Variants in ANKK1 observed in about 807,000 individuals in gnomAD.
The protein encoded by ANKK1 is ankyrin repeat and kinase domain containing 1.
A neutral mutation model predicts 37.6 loss-of-function variants in ANKK1; 37 were observed. That is an observed-to-expected ratio of 0.98 (90% CI 0.76 to 1.29). ANKK1 has a LOEUF of 1.29. Ranked by LOEUF, ANKK1 falls within the 50% of genes most tolerant of loss-of-function variation. The pLI, the probability that ANKK1 is intolerant of heterozygous loss-of-function variation, is 0.00. For synonymous variants in ANKK1, 415 were observed against 418.7 expected, an observed-to-expected ratio of 0.99 and a Z score of 0.11; for missense variants, 1,019 against 990.6, an observed-to-expected ratio of 1.03 and a Z score of -0.39.
At chr11:113,397,907 A>G (rs1012204116) in intron 6 of ANKK1, 73 bp from the exon 7 acceptor site, 3 of 1,494,460 alleles carry the variant, frequency 2.0e-6, no homozygotes, top group Non-Finnish European at 2.7e-6. Flanking sequence ...GGAGAGAGGG[A>G]AGGAGGGGAG....
In ANKK1 at chr11:113,396,359, T is replaced by TC. The variant is rs1159493184; in HGVS notation, c.838+138dup. On this transcript the variant is annotated intron_variant, in intron 5 of 7. Transcript: ENST00000303941. The stretch of plus-strand genomic sequence containing the variant: ...TAGAAGGACTTTTTTTTTTTTTTTT[T>TC]CAGAGACACGGTCTCTCTGGTCCAG... 4.5e-4 allele frequency: 366 copies of TC among 813,988 alleles called. 1 individual carries two copies. In the African/African-American group the frequency reaches 5.1e-3, roughly 11 times the overall value. The allele number at this position is 813,988 out of a possible 1,614,324, so 50.4% of individuals were successfully genotyped here.
At position 113,393,649 on chromosome 11, in the gene ANKK1, G is replaced by A; in HGVS notation, c.354G>A (p.Lys118=). The change falls in exon 2 of 8, where the codon AAG becomes AAA. Residue 118 remains lysine (K), a synonymous_variant. Transcript: ENST00000303941. The part of the protein sequence containing the change: ...KVLSTHSLCW[K]LRFRIIHETS... Reference sequence around the variant, plus strand: ...TGTCCACCCACAGCCTCTGCTGGAAGCTCAGGTTCCGCATCATCCATGAGA... The same window carrying A: ...TGTCCACCCACAGCCTCTGCTGGAAACTCAGGTTCCGCATCATCCATGAGA... 6.2e-7 allele frequency: 1 copy of A among 1,613,918 alleles called. No homozygotes were observed. Among genetic ancestry groups the A allele is most frequent in the South Asian group, 1.1e-5 (1 of 91,060 alleles).
intron 5 of ANKK1, 120 bp downstream of exon 5, chr11:113,396,342 CTTT>C (rs34716641): frequency 6.1e-3 from 4,981 of 823,152 alleles, no homozygotes; most frequent in Middle Eastern, 9.3e-3. Flanking sequence ...CCTAGAAGGA[CTTT>C]TTTTTTTTTT....
chr11:113,393,465 C>A lies in ANKK1; in HGVS notation c.186-16C>A. ...ATGGGTCACCCCCTTCCATATCTTG[C>A]TCCCCCTCTCCATAGCTCTGATGTG... On this transcript the variant is annotated splice_polypyrimidine_tract_variant and intron_variant, in intron 1 of 7. Transcript: ENST00000303941. 1 of 1,599,816 alleles carries A rather than the reference C, an allele frequency of 6.3e-7. No homozygotes were observed.
intron 1 of ANKK1, 52 bp downstream of exon 1, chr11:113,388,121 A>C (rs1950560746): frequency 6.3e-6 from 9 of 1,436,554 alleles, no homozygotes; most frequent in Non-Finnish European, 8.2e-6. Context: ...GAGGCCCGGC[A>C]AGCTTTGGGC....
At chr11:113,391,859 G>A (rs552913646) in intron 1 of ANKK1, among the ~76,000 whole-genome samples, 1 of 152,238 alleles carries the variant, frequency 6.6e-6, no homozygotes, top group South Asian at 2.1e-4. Context: ...AAAACAGAGA[G>A]GAAGTGACCA....
In ANKK1 at chr11:113,399,122, G is replaced by A. The variant is rs776414479; in HGVS notation, c.1153G>A (p.Glu385Lys). Reference sequence around the variant, plus strand: ...GCAGGTGAGGTTGCTGCTGGCCCACGAGGTAGACGTGGACTGCCAGACGGC... The same window carrying A: ...GCAGGTGAGGTTGCTGCTGGCCCACAAGGTAGACGTGGACTGCCAGACGGC... ...VEQVRLLLAH[E>K]VDVDCQTASG... The change falls in exon 8 of 8, where the codon GAG (glutamate) becomes AAG (lysine). Residue 385 changes from glutamate to lysine, a missense_variant. By Grantham distance (56) the Glu-to-Lys change is moderately conservative. Coordinates refer to ENST00000303941, the MANE Select transcript of ANKK1 (RefSeq NM_178510.2). 1.0e-5 allele frequency: 16 copies of A among 1,593,812 alleles called. No homozygotes were observed. Among genetic ancestry groups the A allele is most frequent in the African/African-American group, 9.4e-5 (7 of 74,388 alleles).
At position 113,400,066 on chromosome 11, in the gene ANKK1, C is replaced by T. The variant is rs757998438; in HGVS notation, c.2097C>T (p.Ala699=). 55 of 1,613,534 alleles carry T rather than the reference C, an allele frequency of 3.4e-5. No homozygotes were observed. In the East Asian group the frequency reaches 3.8e-4, roughly 11 times the overall value. ...NKVGWTPAHL[A]ALKGNTAILK... ...TGGGCTGGACACCCGCCCACCTGGC[C>T]GCCCTCAAGGGCAACACAGCCATCC... The change falls in exon 8 of 8, where the codon GCC becomes GCT. Residue 699 remains alanine, a synonymous_variant. Transcript: ENST00000303941.
chr11:113,400,381 A>G lies in ANKK1; in HGVS notation c.*114A>G. The stretch of plus-strand genomic sequence containing the variant: ...AGGCCAGCCTGGCCAACATGGCAAA[A>G]CCCTGTCTCTGCTAAAAATACAAAA... On this transcript the variant is annotated 3_prime_UTR_variant, in exon 8 of 8. Transcript: ENST00000303941. 2 of 1,096,046 alleles carry G rather than the reference A, an allele frequency of 1.8e-6. No homozygotes were observed. The highest frequency in any genetic ancestry group is 2.5e-6 in the Non-Finnish European group (2 of 790,440). 67.9% of individuals were successfully genotyped at this position (1,096,046 alleles called of 1,614,324 possible). A position where few individuals can be genotyped will look rare whatever the true frequency, so the allele number is the denominator to read the frequency against.
At chr11:113,390,746 A>AAC (rs1950581193) in intron 1 of ANKK1, among the ~76,000 whole-genome samples, 1 of 151,978 alleles carries the variant, frequency 6.6e-6, no homozygotes, top group African/African-American at 2.4e-5. Flanking sequence ...AAAAAAAAAA[A>AAC]AAAACAAAGC....
Position 113,393,616 on chromosome 11 carries a change from G to C in ANKK1, c.321G>C (p.Glu107Asp), listed in dbSNP as rs200273061. ...AGTTTATGGCCAACGGCTCCCTGGA[G>C]AAGGTGCTGTCCACCCACAGCCTCT... is the stretch of plus-strand genomic sequence containing the variant. The part of the protein sequence containing the change: ...VMEFMANGSL[E>D]KVLSTHSLCW... The change falls in exon 2 of 8, where the codon GAG becomes GAC. Residue 107 changes from glutamate (E) to aspartate (D), a missense_variant. By Grantham distance (45) the Glu-to-Asp change is conservative (BLOSUM62 2). Transcript: ENST00000303941. 1.1e-4 allele frequency: 173 copies of C among 1,613,986 alleles called. 1 individual carries two copies. The highest frequency in any genetic ancestry group is 4.9e-4 in the Middle Eastern group (3 of 6,062).
chr11:113,396,317 CT>C, intron 5 of ANKK1, 95 bp downstream of exon 5: 1 of 1,392,674 alleles, frequency 7.2e-7, no homozygotes, highest in East Asian at 2.4e-5. Context: ...CAGAGAGACA[CT>C]TTTGGTACTA....
Position 113,393,714 on chromosome 11 carries a change from C to T in ANKK1, c.419C>T (p.Pro140Leu). The part of the protein sequence containing the change: ...AMNFLHSIKP[P>L]LLHLDLKPGN... ...AACTTCCTGCACAGCATTAAGCCGCCTCTGCTCCACCTGGACCTCAAGCCG... is the reference window on the plus strand; with the variant it reads ...AACTTCCTGCACAGCATTAAGCCGCTTCTGCTCCACCTGGACCTCAAGCCG... Residue 140 changes from proline (P) to leucine (L), a missense_variant, in exon 2 of 8, where the codon CCT (proline) becomes CTT (leucine). Coordinates refer to ENST00000303941, the MANE Select transcript of ANKK1 (RefSeq NM_178510.2). 10 of 1,613,658 alleles carry T rather than the reference C, an allele frequency of 6.2e-6. No homozygotes were observed. Among genetic ancestry groups the T allele is most frequent in the Non-Finnish European group, 8.5e-6 (10 of 1,179,868 alleles).
Position 113,399,905 on chromosome 11 carries a change from C to A in ANKK1, c.1936C>A (p.Leu646Met). The change falls in exon 8 of 8, where the codon CTG (leucine) becomes ATG (methionine). Residue 646 changes from leucine (L) to methionine (M), a missense_variant. By Grantham distance (15) the Leu-to-Met change is conservative. Coordinates refer to ENST00000303941, the MANE Select transcript of ANKK1 (RefSeq NM_178510.2). ...GGAGGAGGCGGTGGTGTCAGCACTG[C>A]TGCAGTGTGGGGCTGACCCCAATGC... ...HGEEAVVSAL[L>M]QCGADPNAAE... 1 of 1,613,502 alleles carries A rather than the reference C, an allele frequency of 6.2e-7. No individual in the cohort carries two copies. Among genetic ancestry groups the A allele is most frequent in the Non-Finnish European group, 8.5e-7 (1 of 1,179,874 alleles).
At chr11:113,396,634 C>T (rs896880412) in intron 5 of ANKK1, among the ~76,000 whole-genome samples, 1 of 152,110 alleles carries the variant, frequency 6.6e-6, no homozygotes. Context: ...ACCACTGTAC[C>T]TGGCCTAGAA....
Position 113,399,292 on chromosome 11 carries a change from CG to C in ANKK1, c.1325del (p.Gly442AlafsTer72). 1 of 1,602,488 alleles carries C rather than the reference CG, an allele frequency of 6.2e-7. No homozygotes were observed. The highest frequency in any genetic ancestry group is 8.5e-7 in the Non-Finnish European group (1 of 1,174,944). ...ACTTTGCAGCCCAGAATGGGGATGA[CG>C]GCACTGCGCGCCTGCTCCTGGACCA... Reference protein sequence around the residue: ...LHFAAQNGDDGTARLLLDHGA... With the variant: ...LHFAAQNGDDXTARLLLDHGA... On this transcript the variant is annotated frameshift_variant, in exon 8 of 8. Coordinates refer to ENST00000303941, the MANE Select transcript of ANKK1 (RefSeq NM_178510.2). LOFTEE classifies it low-confidence loss of function (END_TRUNC).
chr11:113,400,411 G>C lies in ANKK1; in HGVS notation c.*144G>C. 1.1e-6 allele frequency: 1 copy of C among 874,846 alleles called. No homozygotes were observed. The highest frequency in any genetic ancestry group is 1.7e-6 in the Non-Finnish European group (1 of 591,318). The allele number at this position is 874,846 out of a possible 1,614,324, so 54.2% of individuals were successfully genotyped here. A position where few individuals can be genotyped will look rare whatever the true frequency, so the allele number is the denominator to read the frequency against. On this transcript the variant is annotated 3_prime_UTR_variant, in exon 8 of 8. Coordinates refer to ENST00000303941, the MANE Select transcript of ANKK1 (RefSeq NM_178510.2). ...GTCTCTGCTAAAAATACAAAATTTA[G>C]CTGGGTATGGTGGCACGTGCCTGTA...
rs1950670037 is a variant in ANKK1 at position 113,399,338 on chromosome 11, C to T, written c.1369C>T (p.Gln457Ter). ...GGACCACGGGGCCTGTGTGGATGCCCAGGAACGTGAAGGGTGGACCCCTCT... is the reference window on the plus strand; with the variant it reads ...GGACCACGGGGCCTGTGTGGATGCCTAGGAACGTGAAGGGTGGACCCCTCT... ...LLDHGACVDA[Q>*]EREGWTPLHL... Residue 457 changes from glutamine to a stop codon, truncating the protein, a stop_gained, in exon 8 of 8, where the codon CAG becomes TAG. Coordinates refer to ENST00000303941, the MANE Select transcript of ANKK1 (RefSeq NM_178510.2). LOFTEE classifies it low-confidence loss of function (END_TRUNC). The T allele has an allele frequency of 2.5e-6, 4 of 1,600,304 alleles. No individual in the cohort carries two copies. Among genetic ancestry groups the T allele is most frequent in the Non-Finnish European group, 3.4e-6 (4 of 1,173,862 alleles).
At chr11:113,394,468 T>G (rs1187537948) in intron 2 of ANKK1, among the ~76,000 whole-genome samples, 1 of 152,182 alleles carries the variant, frequency 6.6e-6, no homozygotes, top group Admixed American at 6.5e-5. Context: ...TGGCCCTCAA[T>G]GCATGGCCAA....
Sources: allele counts gnomAD v4.1 joint callset (sites outside exome capture counted in the v4.1 genomes callset), GRCh38; gene constraint gnomAD v4.1.1; transcripts MANE v1.5; gene names NCBI Gene and HGNC (gene_info 2026-07-23, HGNC 2026-07-21).